Variants in FBN1 observed in about 807,000 individuals in gnomAD.
FBN1 encodes fibrillin 1, also known as fibrillin-1.
In FBN1, 29 loss-of-function variants were observed where a neutral mutation model predicts 365.1. That is an observed-to-expected ratio of 0.08 (90% CI 0.06 to 0.11). The LOEUF (loss-of-function observed/expected upper bound fraction) is 0.11, where lower values mean the gene tolerates loss of function less well. Among genes scored for constraint, FBN1 ranks in the 10% least tolerant of loss-of-function variants. The pLI is 1.00. For synonymous variants in FBN1, 1,210 were observed against 1,270.5 expected, an observed-to-expected ratio of 0.95 and a Z score of 1.01; for missense variants, 2,476 against 3,703.2, an observed-to-expected ratio of 0.67 and a Z score of 8.60.
intron 17 of FBN1, among the ~76,000 whole-genome samples, chr15:48,502,778 TTA>T (rs2043672142): frequency 6.6e-6 from 1 of 152,232 alleles, no homozygotes; most frequent in South Asian, 2.1e-4. Context: ...TATTTTATAA[TTA>T]TGTTTATTAA....
chr15:48,463,956 A>G lies in FBN1; in HGVS notation c.5008T>C (p.Tyr1670His), dbSNP rs1204042568. 11 of 1,613,764 alleles carry G rather than the reference A, an allele frequency of 6.8e-6. No homozygotes were observed. Among genetic ancestry groups the G allele is most frequent in the Non-Finnish European group, 9.3e-6 (11 of 1,179,654 alleles). Residue 1670 changes from tyrosine to histidine, a missense_variant, in exon 41 of 66, where the codon TAC becomes CAC. Transcript: ENST00000316623. ...PGTCYNTVGN[Y>H]TCICPPDYMQ... The stretch of plus-strand genomic sequence containing the variant: ...TAGTCTGGAGGACAGATACAGGTGT[A>G]GTTGCCAACGGTGTTGTAACATGTC...
intron 2 of FBN1, among the ~76,000 whole-genome samples, chr15:48,625,107 G>A (rs1041330965): frequency 2.6e-5 from 4 of 152,138 alleles, no homozygotes; most frequent in Admixed American, 2.6e-4. Flanking sequence ...CTTGAGTTCC[G>A]AATGCTGTCA....
At chr15:48,412,853 G>C in intron 64 of FBN1, 110 bp from the exon 65 acceptor site, 1 of 1,289,814 alleles carries the variant, frequency 7.8e-7, no homozygotes, top group Non-Finnish European at 1.1e-6. Flanking sequence ...TACAGCCCTT[G>C]CTTGTCCACT....
chr15:48,487,180 T>C lies in FBN1; in HGVS notation c.3484A>G (p.Ser1162Gly). ...ACIDINECEL[S>G]AHLCPNGRCV... ...CGGCCATTGGGGCACAGGTGTGCAC[T>C]CAGCTCACATTCATTGATGTCTGTC... The change falls in exon 29 of 66, where the codon AGT becomes GGT. Residue 1162 changes from serine (S) to glycine (G), a missense_variant. Transcript: ENST00000316623. 6.2e-7 allele frequency: 1 copy of C among 1,614,164 alleles called. No individual in the cohort carries two copies. Among genetic ancestry groups the C allele is most frequent in the Non-Finnish European group, 8.5e-7 (1 of 1,180,006 alleles).
intron 16 of FBN1, 119 bp downstream of exon 16, chr15:48,504,906 G>T: frequency 7.5e-7 from 1 of 1,342,020 alleles, no homozygotes; most frequent in Non-Finnish European, 1.1e-6. Context: ...TTGGTTTGTT[G>T]CTCTGCAAAT....
Position 48,418,354 on chromosome 15 carries a change from T to C in FBN1, c.7819+2333A>G, listed in dbSNP as rs116537303. Among the ~76,000 whole-genome samples, 809 of 152,308 alleles carry C rather than the reference T, an allele frequency of 5.3e-3. 6 individuals carry two copies. Among genetic ancestry groups the C allele is most frequent in the African/African-American group, 0.019 (779 of 41,562 alleles). ...CTATCAAGAGTTCTCCCCCTCTCCT[T>C]TCACATTCTTTTAAATTTTATTTTA... On this transcript the variant is annotated intron_variant, in intron 63 of 65. Coordinates refer to ENST00000316623, the MANE Select transcript of FBN1 (RefSeq NM_000138.5).
intron 6 of FBN1, among the ~76,000 whole-genome samples, chr15:48,539,742 C>T (rs2044042746): frequency 6.6e-6 from 1 of 152,064 alleles, no homozygotes; most frequent in Non-Finnish European, 1.5e-5. Context: ...CATGATATAG[C>T]CCCACCCACC....
At chr15:48,426,710 C>T (rs1207728774) in intron 58 of FBN1, among the ~76,000 whole-genome samples, 1 of 152,132 alleles carries the variant, frequency 6.6e-6, no homozygotes, top group Non-Finnish European at 1.5e-5. Context: ...CTCTGAAGTG[C>T]AATTTAGCAC....
chr15:48,532,905 T>C (rs1298700321), intron 8 of FBN1, among the ~76,000 whole-genome samples: 1 of 152,228 alleles, frequency 6.6e-6, no homozygotes, highest in Non-Finnish European at 1.5e-5. Context: ...TATAACATGT[T>C]CAAGAATGCA....
chr15:48,560,671 G>A (rs1016129601), intron 6 of FBN1, among the ~76,000 whole-genome samples: 14 of 152,116 alleles, frequency 9.2e-5, no homozygotes, highest in African/African-American at 2.2e-4. Flanking sequence ...ATTACAATGC[G>A]AGCTTCTAAA....
intron 47 of FBN1, 80 bp downstream of exon 47, chr15:48,446,626 G>A: frequency 1.2e-6 from 1 of 862,304 alleles, no homozygotes; most frequent in Non-Finnish European, 2.0e-6. Context: ...AAGACAGCTG[G>A]AACACTAGAG....
At position 48,610,826 on chromosome 15, in the gene FBN1, G is replaced by T. The variant is rs1206249804; in HGVS notation, c.248C>A (p.Pro83His). ...TLPGGNQCIV[P>H]ICRHSCGDGF... ...ATCCCCACAGGAATGCCGGCAAATG[G>T]CTGTGAATAAACCAGAGGTCTGTTA... Residue 83 changes from proline to histidine, a missense_variant and splice_region_variant, in exon 4 of 66, where the codon CCC becomes CAC. Transcript: ENST00000316623. 1 of 1,613,188 alleles carries T rather than the reference G, an allele frequency of 6.2e-7. No homozygotes were observed. Among genetic ancestry groups the T allele is most frequent in the Non-Finnish European group, 8.5e-7 (1 of 1,179,266 alleles).
chr15:48,596,096 C>T (rs950697382), intron 6 of FBN1, among the ~76,000 whole-genome samples, 187 bp downstream of exon 6: 6 of 152,096 alleles, frequency 3.9e-5, no homozygotes, highest in East Asian at 1.9e-4. Context: ...CAAACATTGC[C>T]GAATATCATG....
At chr15:48,471,924 C>G (rs2043379613) in intron 35 of FBN1, among the ~76,000 whole-genome samples, 1 of 152,246 alleles carries the variant, frequency 6.6e-6, no homozygotes. Flanking sequence ...GTCTGACCAA[C>G]ACTTATCAGA....
chr15:48,600,875 A>G (rs1173514808), intron 4 of FBN1, among the ~76,000 whole-genome samples: 3 of 152,250 alleles, frequency 2.0e-5, no homozygotes, highest in Non-Finnish European at 4.4e-5. Context: ...TATGATGGCA[A>G]TAATTTTCCC....
chr15:48,425,034 T>C (rs1271222548), intron 60 of FBN1, among the ~76,000 whole-genome samples: 1 of 152,066 alleles, frequency 6.6e-6, no homozygotes, highest in Admixed American at 6.6e-5. Context: ...AAAGAATAAA[T>C]ACAAAAAACA....
chr15:48,472,522 A>C (rs1208833275), intron 35 of FBN1, 29 bp downstream of exon 35: 2 of 1,612,890 alleles, frequency 1.2e-6, no homozygotes, highest in African/African-American at 2.7e-5. Context: ...AAGCCCAGCA[A>C]GGCTCCCAGT....
Position 48,421,916 on chromosome 15 carries a change from T to A in FBN1, c.7570+36A>T, listed in dbSNP as rs778228567. 10 of 1,469,086 alleles carry A rather than the reference T, an allele frequency of 6.8e-6. No homozygotes were observed. The Admixed American group carries it at 1.7e-4, about 25-fold the overall frequency. 91.0% of individuals were successfully genotyped at this position (1,469,086 alleles called of 1,614,324 possible). A position where few individuals can be genotyped will look rare whatever the true frequency, so the allele number is the denominator to read the frequency against. Reference sequence around the variant, plus strand: ...GAAAATAATCCCTTAAAAGAATCGCTACAATCCATGTAGGATTTTTTCCTC... The same window carrying A: ...GAAAATAATCCCTTAAAAGAATCGCAACAATCCATGTAGGATTTTTTCCTC... On this transcript the variant is annotated intron_variant, in intron 61 of 65. Transcript: ENST00000316623.
intron 7 of FBN1, among the ~76,000 whole-genome samples, 162 bp from the exon 8 acceptor site, chr15:48,534,367 C>A (rs2043997887): frequency 6.6e-6 from 1 of 152,222 alleles, no homozygotes; most frequent in South Asian, 2.1e-4. Context: ...CTGTTTCTCA[C>A]AATTGCATTA....
Sources: gnomAD v4.1 joint callset for allele counts (sites outside exome capture counted in the v4.1 genomes callset) on GRCh38, gnomAD v4.1.1 for gene constraint, MANE v1.5 for transcripts, NCBI Gene and HGNC (gene_info 2026-07-23, HGNC 2026-07-21) for gene names.